The following GSE1 variants were observed in gnomAD, a reference collection of about 807,000 sequenced individuals.
GSE1 encodes the protein genetic suppressor element 1.
In GSE1, 32 loss-of-function variants were observed where a neutral mutation model predicts 112.6. The ratio of observed to expected loss-of-function variants is 0.28; its 90% confidence interval spans 0.21 to 0.38. The LOEUF is 0.38. Among genes scored for constraint, GSE1 ranks in the 10% least tolerant of loss-of-function variants. The pLI, the probability that GSE1 is intolerant of heterozygous loss-of-function variation, is 1.00. For missense variants in GSE1, 2,348 were observed against 1,699.2 expected, an observed-to-expected ratio of 1.38 and a Z score of -6.71; for synonymous variants, 1,115 against 735.6, an observed-to-expected ratio of 1.52 and a Z score of -8.35.
upstream of GSE1, among the ~76,000 whole-genome samples, chr16:85,610,794 C>T (rs554312924): frequency 3.7e-4 from 56 of 152,340 alleles, 1 homozygote; most frequent in Admixed American, 3.3e-3. Context: ...TGCATGTCAC[C>T]TGTGTGCACA....
chr16:85,469,941 C>G (rs1046131670), intron 2 of GSE1, among the ~76,000 whole-genome samples: 1 of 152,208 alleles, frequency 6.6e-6, no homozygotes, highest in African/African-American at 2.4e-5. Context: ...ACCCCAGGAC[C>G]CCATCCTCAC....
chr16:85,283,697 C>T (rs567839773), intron 1 of GSE1: 10 of 152,274 alleles, frequency 6.6e-5, no homozygotes, highest in Non-Finnish European at 1.2e-4. Flanking sequence ...TGGGGTAAAA[C>T]AGTATTTATG....
At chr16:85,469,342 C>T (rs543926385) in intron 2 of GSE1, among the ~76,000 whole-genome samples, 2 of 152,146 alleles carry the variant, frequency 1.3e-5, no homozygotes, top group African/African-American at 4.8e-5. Flanking sequence ...GGGGCGGCCA[C>T]GTGAAGATGG....
chr16:85,586,325 G>A (rs2046689945), intron 1 of GSE1, among the ~76,000 whole-genome samples: 1 of 152,242 alleles, frequency 6.6e-6, no homozygotes, highest in African/African-American at 2.4e-5. Context: ...CATGACATAG[G>A]TGTTGCCTCG....
At chr16:85,476,898 C>G (rs1351465572) in intron 2 of GSE1, among the ~76,000 whole-genome samples, 1 of 149,704 alleles carries the variant, frequency 6.7e-6, no homozygotes, top group Non-Finnish European at 1.5e-5. Flanking sequence ...CAGGTGTGAG[C>G]TACCATGCCT....
At chr16:85,494,591 A>G (rs542137557) in intron 2 of GSE1, among the ~76,000 whole-genome samples, 2 of 151,864 alleles carry the variant, frequency 1.3e-5, no homozygotes, top group East Asian at 3.9e-4. Context: ...TTTTGTAGAG[A>G]GAGGGTTTTG....
At chr16:85,305,466 G>GT (rs60796923) in intron 1 of GSE1, among the ~76,000 whole-genome samples, 54 of 150,876 alleles carry the variant, frequency 3.6e-4, no homozygotes, top group Non-Finnish European at 6.8e-4. Flanking sequence ...GTTTTTTGTT[G>GT]TTTTTTTTTT....
At chr16:85,624,663 T>C (rs1161979892) in intron 1 of GSE1, among the ~76,000 whole-genome samples, 1 of 152,132 alleles carries the variant, frequency 6.6e-6, no homozygotes, top group Non-Finnish European at 1.5e-5. Context: ...GTGACCCGGG[T>C]TGAGGGCGTG....
At chr16:85,537,459 G>A (rs994175241) in intron 2 of GSE1, among the ~76,000 whole-genome samples, 3 of 152,228 alleles carry the variant, frequency 2.0e-5, no homozygotes, top group African/African-American at 7.2e-5. Context: ...CTGCCCGGCC[G>A]GCCCAACCTG....
intron 1 of GSE1, among the ~76,000 whole-genome samples, chr16:85,176,057 G>A (rs183099589): frequency 8.9e-4 from 136 of 152,174 alleles, no homozygotes; most frequent in African/African-American, 2.6e-3. Context: ...GGTACAATGT[G>A]CACTCACTGC....
At chr16:85,366,329 C>G (rs1228490064) in intron 2 of GSE1, among the ~76,000 whole-genome samples, 2 of 152,256 alleles carry the variant, frequency 1.3e-5, no homozygotes, top group Non-Finnish European at 2.9e-5. Context: ...TTCCCTGGCC[C>G]TGCTGCAGCA....
intron 1 of GSE1, among the ~76,000 whole-genome samples, chr16:85,179,133 C>A (rs2074529067): frequency 6.6e-6 from 1 of 152,138 alleles, no homozygotes; most frequent in South Asian, 2.1e-4. Context: ...CCAAAGGACA[C>A]CCTGTGCCCG....
chr16:85,337,337 G>A (rs1247673131), intron 1 of GSE1, among the ~76,000 whole-genome samples: 1 of 139,156 alleles, frequency 7.2e-6, no homozygotes, highest in Non-Finnish European at 1.5e-5. Flanking sequence ...ACGGAGTCTC[G>A]CTCTGTCGCC....
At chr16:85,500,452 C>T (rs986851368) in intron 2 of GSE1, among the ~76,000 whole-genome samples, 21 of 152,250 alleles carry the variant, frequency 1.4e-4, no homozygotes. Flanking sequence ...CTGACATGTG[C>T]ACAGCCCAGC....
Position 85,563,189 on chromosome 16 carries a change from C to CTT in GSE1, c.37+6840_37+6841dup, listed in dbSNP as rs80212096. On this transcript the variant is annotated intron_variant, in intron 1 of 2. Transcript: ENST00000635906. ...CCTCCTCCTCCTCCTCCTCCTCTTCCTTTTTTTTTTTTTTTCTTTTAAGAG... is the reference window on the plus strand; with the variant it reads ...CCTCCTCCTCCTCCTCCTCCTCTTCCTTTTTTTTTTTTTTTTTCTTTTAAGAG... Among the ~76,000 whole-genome samples the CTT allele has an allele frequency of 2.4e-3, 334 of 140,470 alleles. 4 individuals carry two copies. The highest frequency in any genetic ancestry group is 7.6e-3 in the African/African-American group (295 of 39,030). The allele number at this position is 140,470 out of a possible 152,430, so 92.2% of individuals were successfully genotyped here. A position where few individuals can be genotyped will look rare whatever the true frequency, so the allele number is the denominator to read the frequency against.
At position 85,663,430 on chromosome 16, in the gene GSE1, G is replaced by C. The variant is rs1184925785; in HGVS notation, c.2460G>C (p.Arg820Ser). The change falls in exon 11 of 16, where the codon AGG becomes AGC. Residue 820 changes from arginine (R) to serine (S), a missense_variant. By Grantham distance (110) the Arg-to-Ser change is moderately radical (BLOSUM62 -1). Coordinates refer to ENST00000253458, the MANE Select transcript of GSE1 (RefSeq NM_014615.5). ...CCCAGAAGCGGAGGAAGCGGCGGAG[G>C]ATGCTGCGAGAGAGAAGCCCGTCGC... ...LVAQKRRKRR[R>S]MLRERSPSPP... 1.2e-6 allele frequency: 2 copies of C among 1,613,792 alleles called. No individual in the cohort carries two copies. The highest frequency in any genetic ancestry group is 1.3e-5 in the African/African-American group (1 of 74,928).
chr16:85,410,428 G>C (rs201974995), intron 2 of GSE1, among the ~76,000 whole-genome samples: 35 of 10,494 alleles, frequency 3.3e-3, no homozygotes, highest in Admixed American at 0.022. Flanking sequence ...TACACTCAGG[G>C]CCCCCTGGAT....
chr16:85,223,746 A>G (rs1315209185), intron 1 of GSE1, among the ~76,000 whole-genome samples: 1 of 151,544 alleles, frequency 6.6e-6, no homozygotes, highest in Non-Finnish European at 1.5e-5. Flanking sequence ...CTGGGATTAC[A>G]GGCTTGCGCC....
In GSE1 at chr16:85,635,504, GA is replaced by G. The variant is rs2049919013; in HGVS notation, c.226+1373del. 2.2e-5 allele frequency among the ~76,000 whole-genome samples: 3 copies of G among 135,162 alleles called. No homozygotes were observed. The South Asian group carries it at 6.6e-4, about 30-fold the overall frequency. The allele number at this position is 135,162 out of a possible 152,430, so 88.7% of individuals were successfully genotyped here. ...CTGCCTGCCTGGTGGAGGCATCCTG[GA>G]CTCTCTGGGGCGGTGAACAAGGCAG... On this transcript the variant is annotated intron_variant, in intron 2 of 15. Coordinates refer to ENST00000253458, the MANE Select transcript of GSE1 (RefSeq NM_014615.5).
Sources: gnomAD v4.1 joint callset for allele counts (sites outside exome capture counted in the v4.1 genomes callset) on GRCh38, gnomAD v4.1.1 for gene constraint, MANE v1.5 for transcripts, NCBI Gene and HGNC (gene_info 2026-07-23, HGNC 2026-07-21) for gene names.